The following NRG3 variants were observed in gnomAD, a reference collection of about 807,000 sequenced individuals.
NRG3 encodes the protein pro-neuregulin-3, membrane-bound isoform.
A neutral mutation model predicts 66.9 loss-of-function variants in NRG3; 31 were observed. The ratio of observed to expected loss-of-function variants is 0.46; its 90% CI spans 0.35 to 0.63. The LOEUF (loss-of-function observed/expected upper bound fraction) is 0.63. NRG3 is among the 20% of genes least tolerant of loss of function. The pLI is 0.00. For missense variants in NRG3, 910 were observed against 878.9 expected (o/e 1.04, Z -0.45); for synonymous variants, 393 against 359.4 (o/e 1.09, Z -1.06).
chr10:82,075,486 C>A (rs1423969893), intron 1 of NRG3, among the ~76,000 whole-genome samples: 2 of 152,154 alleles, frequency 1.3e-5, no homozygotes, highest in East Asian at 3.9e-4. Flanking sequence ...CAAACAAGTT[C>A]TGTGAATCTC....
chr10:82,922,714 T>A (rs1387799114), intron 4 of NRG3, among the ~76,000 whole-genome samples: 2 of 152,158 alleles, frequency 1.3e-5, no homozygotes, highest in East Asian at 3.9e-4. Flanking sequence ...CCCTGAAAGG[T>A]CTCCATAGTG....
At position 81,875,745 on chromosome 10, in the gene NRG3, G is replaced by T; in HGVS notation, c.405G>T (p.Thr135=). Residue 135 remains threonine (T), a synonymous_variant, in exon 1 of 9, where the codon ACG becomes ACT. Transcript: ENST00000372141. This position sits in a 1 kb window ranked among gnomAD's most constrained non-coding sequence, Gnocchi z 5.3. ...METTTTTTST[T]SPATPSAGGA... ...CCACCACCACTACCACTTCCACCAC[G>T]TCCCCCGCCACCCCCTCCGCCGGGG... 1 of 1,612,360 alleles carries T rather than the reference G, an allele frequency of 6.2e-7. No individual in the cohort carries two copies. The highest frequency in any genetic ancestry group is 8.5e-7 in the Non-Finnish European group (1 of 1,179,644).
intron 2 of NRG3, among the ~76,000 whole-genome samples, chr10:82,479,733 C>T (rs973013294): frequency 1.0e-4 from 15 of 147,670 alleles, no homozygotes; most frequent in African/African-American, 3.8e-4. Context: ...GTTGGGAGGC[C>T]GAGGCGGGCG....
chr10:82,838,777 T>C (rs534283462), intron 3 of NRG3, among the ~76,000 whole-genome samples: 3 of 152,236 alleles, frequency 2.0e-5, no homozygotes, highest in Non-Finnish European at 4.4e-5. Flanking sequence ...CTCTGCTTTA[T>C]AGCTGAACTC....
chr10:82,158,137 C>T (rs1460919697), intron 1 of NRG3, among the ~76,000 whole-genome samples: 1 of 151,572 alleles, frequency 6.6e-6, no homozygotes, highest in South Asian at 2.1e-4. Context: ...GTAACTGAAC[C>T]TTGATAAGGA....
chr10:82,097,786 A>T (rs549664953), intron 1 of NRG3, among the ~76,000 whole-genome samples: 3 of 152,048 alleles, frequency 2.0e-5, no homozygotes, highest in Non-Finnish European at 4.4e-5. Flanking sequence ...TTTGTTTTTT[A>T]AAAATTGTAG....
intron 1 of NRG3, among the ~76,000 whole-genome samples, chr10:82,314,460 T>TA (rs2081190027): frequency 6.6e-6 from 1 of 151,518 alleles, no homozygotes; most frequent in African/African-American, 2.4e-5. Context: ...AATTTAAAAT[T>TA]TAAAAAAAAA....
intron 4 of NRG3, among the ~76,000 whole-genome samples, chr10:82,884,498 AC>A (rs1842568836): frequency 6.6e-6 from 1 of 151,952 alleles, no homozygotes; most frequent in Non-Finnish European, 1.5e-5. Flanking sequence ...TCTCATCAAA[AC>A]TAAAGTAATT....
chr10:82,510,278 C>T (rs1268466240), intron 2 of NRG3, among the ~76,000 whole-genome samples: 1 of 152,120 alleles, frequency 6.6e-6, no homozygotes, highest in Admixed American at 6.5e-5. Context: ...ATCATTGTTT[C>T]CATCGTGCAT....
intron 2 of NRG3, among the ~76,000 whole-genome samples, chr10:82,375,844 T>G (rs1196696717): frequency 6.6e-6 from 1 of 152,194 alleles, no homozygotes; most frequent in East Asian, 1.9e-4. Context: ...CGCAATTTCA[T>G]CTGTTTCAGT....
intron 1 of NRG3, among the ~76,000 whole-genome samples, chr10:82,190,582 TG>T (rs1237916239): frequency 3.9e-5 from 6 of 152,160 alleles, no homozygotes; most frequent in Non-Finnish European, 8.8e-5. Context: ...GCTGAAGAGA[TG>T]AAAAATTGGG....
chr10:82,389,349 G>A (rs951715901), intron 2 of NRG3, among the ~76,000 whole-genome samples: 2 of 152,134 alleles, frequency 1.3e-5, no homozygotes, highest in African/African-American at 2.4e-5. Context: ...TGCAGTGGAA[G>A]GTCATGCCTT....
intron 2 of NRG3, among the ~76,000 whole-genome samples, chr10:82,384,109 A>G (rs2085814700): frequency 6.6e-6 from 1 of 152,144 alleles, no homozygotes; most frequent in Non-Finnish European, 1.5e-5. Context: ...TTCACTTAAT[A>G]CCTTAATACC....
At chr10:82,286,276 A>G (rs534839324) in intron 1 of NRG3, among the ~76,000 whole-genome samples, 12 of 152,296 alleles carry the variant, frequency 7.9e-5, no homozygotes, top group African/African-American at 2.9e-4. Context: ...GTGAAAAAGT[A>G]GCAACTATAG....
chr10:82,891,195 T>G (rs903067386), intron 4 of NRG3, among the ~76,000 whole-genome samples: 11 of 151,574 alleles, frequency 7.3e-5, no homozygotes, highest in Non-Finnish European at 1.5e-4. Context: ...ATGAAGATTA[T>G]GTTAAATCTA....
At chr10:82,840,282 C>T (rs903813509) in intron 3 of NRG3, among the ~76,000 whole-genome samples, 5 of 152,096 alleles carry the variant, frequency 3.3e-5, no homozygotes, top group African/African-American at 7.2e-5. Flanking sequence ...CTGTCTTCTC[C>T]GCAGCCTACG....
chr10:82,013,112 A>G (rs981879303), intron 1 of NRG3, among the ~76,000 whole-genome samples: 5 of 152,202 alleles, frequency 3.3e-5, no homozygotes, highest in Admixed American at 1.3e-4. Flanking sequence ...TAATTTATAA[A>G]GGAAATTGGT....
chr10:81,875,724 C>T lies in NRG3; in HGVS notation c.384C>T (p.Thr128=), dbSNP rs116234862. Residue 128 remains threonine, a synonymous_variant, in exon 1 of 9, where the codon ACC becomes ACT. Coordinates refer to ENST00000372141, the MANE Select transcript of NRG3 (RefSeq NM_001010848.4). The surrounding 1 kb of genome is among the most constrained non-coding windows in gnomAD (Gnocchi z 5.3). ...CTTTCCCCAAGGCCATGGAGACCAC[C>T]ACCACTACCACTTCCACCACGTCCC... The part of the protein sequence containing the change: ...PSSFPKAMET[T]TTTTSTTSPA... 6.2e-7 allele frequency: 1 copy of T among 1,605,122 alleles called. No individual in the cohort carries two copies. Among genetic ancestry groups the T allele is most frequent in the African/African-American group, 1.5e-5 (1 of 67,568 alleles).
chr10:81,948,855 A>G (rs975532400), intron 1 of NRG3, among the ~76,000 whole-genome samples: 10 of 152,190 alleles, frequency 6.6e-5, no homozygotes, highest in Non-Finnish European at 1.3e-4. Context: ...AAGAACTCAT[A>G]GAATGTGCTG....
Sources: gnomAD v4.1 joint callset for allele counts (sites outside exome capture counted in the v4.1 genomes callset) on GRCh38, gnomAD v4.1.1 for gene constraint, Gnocchi (gnomAD v3.1) non-coding constraint, MANE v1.5 for transcripts, NCBI Gene and HGNC (gene_info 2026-07-23, HGNC 2026-07-21) for gene names.